Variants in STK32C observed in about 807,000 individuals in gnomAD.
The protein encoded by STK32C is serine/threonine kinase 32C, also known as serine/threonine-protein kinase 32C.
Under a neutral mutation model 56.5 loss-of-function variants are expected in STK32C, and 31 were observed. The ratio of observed to expected loss-of-function variants is 0.55; its 90% CI spans 0.41 to 0.74. The LOEUF (loss-of-function observed/expected upper bound fraction) is 0.74. STK32C is among the 30% of genes least tolerant of loss of function. The pLI, the probability that STK32C is intolerant of heterozygous loss-of-function variation, is 0.00. For synonymous variants in STK32C, 309 were observed against 289.4 expected (o/e 1.07, Z -0.69); for missense variants, 544 against 676.9 (o/e 0.80, Z 2.18).
At chr10:132,276,039 G>C (rs1256396066) in intron 1 of STK32C, among the ~76,000 whole-genome samples, 6 of 152,164 alleles carry the variant, frequency 3.9e-5, no homozygotes, top group Non-Finnish European at 8.8e-5. Flanking sequence ...CACACCACCA[G>C]GCTGCCACCC....
At chr10:132,231,862 C>T (rs574131904) in intron 2 of STK32C, among the ~76,000 whole-genome samples, 157 of 152,354 alleles carry the variant, frequency 1.0e-3, no homozygotes, top group African/African-American at 3.6e-3. Context: ...AGCCACCAGA[C>T]GCCGGGAGAA....
intron 1 of STK32C, among the ~76,000 whole-genome samples, chr10:132,275,859 A>G (rs1438263905): frequency 1.3e-5 from 2 of 152,082 alleles, no homozygotes; most frequent in African/African-American, 2.4e-5. Context: ...ACCTCCTGGC[A>G]TCTCTGAGAA....
chr10:132,275,675 T>C (rs919044637), intron 1 of STK32C, among the ~76,000 whole-genome samples: 12 of 152,204 alleles, frequency 7.9e-5, no homozygotes, highest in African/African-American at 2.7e-4. Context: ...TGACGCATCA[T>C]GCCGCAGGGA....
At chr10:132,210,059 C>T (rs2062242743) in intron 10 of STK32C, among the ~76,000 whole-genome samples, 1 of 152,194 alleles carries the variant, frequency 6.6e-6, no homozygotes, top group Non-Finnish European at 1.5e-5. Context: ...AAACGTACAG[C>T]AAAACCCAGT....
intron 1 of STK32C, among the ~76,000 whole-genome samples, chr10:132,271,620 G>C (rs2064828425): frequency 6.6e-6 from 1 of 152,242 alleles, no homozygotes; most frequent in Non-Finnish European, 1.5e-5. Context: ...CCGGCTGGGA[G>C]AGCTGGTAAG....
At chr10:132,273,129 T>A (rs2064881238) in intron 1 of STK32C, among the ~76,000 whole-genome samples, 2 of 152,202 alleles carry the variant, frequency 1.3e-5, no homozygotes, top group Admixed American at 1.3e-4. Flanking sequence ...TTTGTTAACA[T>A]CCTATACATT....
intron 1 of STK32C, among the ~76,000 whole-genome samples, chr10:132,294,517 C>A (rs1355026760): frequency 1.3e-5 from 2 of 152,174 alleles, no homozygotes; most frequent in Non-Finnish European, 2.9e-5. Context: ...TTTCGTAGCA[C>A]AGGAAATAAA....
chr10:132,236,056 G>A (rs1431652935), intron 2 of STK32C, among the ~76,000 whole-genome samples: 1 of 151,838 alleles, frequency 6.6e-6, no homozygotes, highest in African/African-American at 2.4e-5. Context: ...GGGTGCTTGT[G>A]GGGGGTCACA....
In STK32C at chr10:132,225,311, G is replaced by C. The variant is rs760019912; in HGVS notation, c.798C>G (p.Val266=). 2 of 1,611,984 alleles carry C rather than the reference G, an allele frequency of 1.2e-6. No individual in the cohort carries two copies. Among genetic ancestry groups the C allele is most frequent in the East Asian group, 2.2e-5 (1 of 44,738 alleles). The part of the protein sequence containing the change: ...YMAPEIFHSF[V]NGGTGYSFEV... ...CGAAGGAGTAGCCGGTCCCGCCGTT[G>C]ACAAAAGAGTGGAAGATCTCCGGAG... The change falls in exon 7 of 12, where the codon GTC becomes GTG. Residue 266 remains valine, a synonymous_variant. Transcript: ENST00000298630.
intron 1 of STK32C, among the ~76,000 whole-genome samples, chr10:132,248,043 C>G (rs573961208): frequency 1.3e-5 from 2 of 151,108 alleles, no homozygotes; most frequent in East Asian, 3.9e-4. Flanking sequence ...GCTGCCCCAC[C>G]CTGCATCCTA....
chr10:132,331,510 G>T (rs766824609), exon 1 of STK32C: 1 of 1,612,804 alleles, frequency 6.2e-7, no homozygotes, highest in Non-Finnish European at 8.5e-7. Context: ...CTGAGTCTGC[G>T]TTCCCCTGGC....
chr10:132,254,287 C>A lies in STK32C; in HGVS notation c.263-8332G>T, dbSNP rs537982387. On this transcript the variant is annotated intron_variant, in intron 1 of 11. Coordinates refer to ENST00000298630, the MANE Select transcript of STK32C (RefSeq NM_173575.4). The stretch of plus-strand genomic sequence containing the variant: ...TCGCGCCTCTGCACTCCAGCCTGGG[C>A]AAAAAGGGCGAAACTCCATCAGGGG... Among the ~76,000 whole-genome samples the A allele has an allele frequency of 2.0e-5, 3 of 151,602 alleles. No homozygotes were observed. In the South Asian group the frequency reaches 6.2e-4, roughly 32 times the overall value.
At position 132,279,967 on chromosome 10, in the gene STK32C, A is replaced by G. The variant is rs529308945; in HGVS notation, c.262+27605T>C. 3.7e-3 allele frequency among the ~76,000 whole-genome samples: 480 copies of G among 131,086 alleles called. 1 individual carries two copies. The highest frequency in any genetic ancestry group is 0.013 in the African/African-American group (455 of 33,962). 86.0% of individuals were successfully genotyped at this position (131,086 alleles called of 152,430 possible). A position where few individuals can be genotyped will look rare whatever the true frequency, so the allele number is the denominator to read the frequency against. On this transcript the variant is annotated intron_variant, in intron 1 of 11. Coordinates refer to ENST00000298630, the MANE Select transcript of STK32C (RefSeq NM_173575.4). The stretch of plus-strand genomic sequence containing the variant: ...GACCACGCCCCTGCACCCCGTGACC[A>G]CGCCCCTGCACCCCGTGACCACGCC...
rs1426009413 is a variant in STK32C, at chr10:132,302,845, A to G, written c.262+4727T>C. Among the ~76,000 whole-genome samples the G allele has an allele frequency of 2.0e-5, 3 of 152,312 alleles. No individual in the cohort carries two copies. The East Asian group carries it at 5.8e-4, about 29-fold the overall frequency. On this transcript the variant is annotated intron_variant, in intron 1 of 11. Coordinates refer to ENST00000298630, the MANE Select transcript of STK32C (RefSeq NM_173575.4). ...CAGGACCTTCTCTCTTCTCTGCTCC[A>G]TGAGCTCCGGCAACACCATAAGGAA...
upstream of STK32C, chr10:132,331,894 AC>A (rs56390424): frequency 1.1e-6 from 1 of 886,742 alleles, no homozygotes. Flanking sequence ...ACCCCCTGCC[AC>A]CCCCGCGCAG....
At chr10:132,220,475 C>CACA (rs1250825880) in intron 10 of STK32C, among the ~76,000 whole-genome samples, 1 of 152,220 alleles carries the variant, frequency 6.6e-6, no homozygotes. Flanking sequence ...ATATCACATT[C>CACA]ACATGGAACA....
rs530850342 is a variant in STK32C, at chr10:132,227,229, G to A, written c.471-261C>T. On this transcript the variant is annotated intron_variant, in intron 3 of 11. Transcript: ENST00000298630. ...CCAGAGGCACCTGGGAGTGGCAAAT[G>A]CAGAGCAGAGCTACAGTGCCAGCTC... Among the ~76,000 whole-genome samples, 3 of 152,382 alleles carry A rather than the reference G, an allele frequency of 2.0e-5. No individual in the cohort carries two copies. In the South Asian group the frequency reaches 6.2e-4, roughly 32 times the overall value.
At chr10:132,261,513 C>A (rs2064306768) in intron 1 of STK32C, among the ~76,000 whole-genome samples, 1 of 152,136 alleles carries the variant, frequency 6.6e-6, no homozygotes, top group African/African-American at 2.4e-5. Context: ...ACCTATAATC[C>A]CAGCACTTTG....
At chr10:132,241,521 G>A (rs970374633) in intron 2 of STK32C, among the ~76,000 whole-genome samples, 2 of 152,194 alleles carry the variant, frequency 1.3e-5, no homozygotes, top group South Asian at 2.1e-4. Context: ...ACCCCTAGAT[G>A]GGTAAGATCT....
Sources: gnomAD v4.1 joint callset for allele counts (sites outside exome capture counted in the v4.1 genomes callset) on GRCh38, gnomAD v4.1.1 for gene constraint, MANE v1.5 for transcripts, NCBI Gene and HGNC (gene_info 2026-07-23, HGNC 2026-07-21) for gene names.